Variants in GNA14 observed in about 807,000 individuals in gnomAD.
GNA14 encodes the protein guanine nucleotide-binding protein subunit alpha-14.
Under a neutral mutation model 42.0 loss-of-function variants are expected in GNA14, and 50 were observed. That is an observed-to-expected ratio of 1.19 (90% CI 0.95 to 1.51). The LOEUF is 1.51. Ranked by LOEUF, GNA14 falls within the 40% of genes most tolerant of loss-of-function variation. The pLI, the probability that GNA14 is intolerant of heterozygous loss-of-function variation, is 0.00. For missense variants in GNA14, 473 were observed against 446.2 expected (o/e 1.06, Z -0.54); for synonymous variants, 173 against 163.1 (o/e 1.06, Z -0.46).
Position 77,562,677 on chromosome 9 carries a change from C to G in GNA14, c.125-33424G>C, listed in dbSNP as rs1393156737. Among the ~76,000 whole-genome samples, 4 of 152,164 alleles carry G rather than the reference C, an allele frequency of 2.6e-5. No individual in the cohort carries two copies. The East Asian group carries it at 7.7e-4, about 29-fold the overall frequency. On this transcript the variant is annotated intron_variant, in intron 1 of 6. Coordinates refer to ENST00000341700, the MANE Select transcript of GNA14 (RefSeq NM_004297.4). Reference sequence around the variant, plus strand: ...AAAATTTACAACAAAAAAATTAATACTTGTTTCATACTTGATTTAGCCTGT... The same window carrying G: ...AAAATTTACAACAAAAAAATTAATAGTTGTTTCATACTTGATTTAGCCTGT...
At chr9:77,493,544 G>A (rs903171607) in intron 2 of GNA14, among the ~76,000 whole-genome samples, 2 of 152,136 alleles carry the variant, frequency 1.3e-5, no homozygotes, top group Admixed American at 1.3e-4. Context: ...CAGGACTGTG[G>A]ATCATGTTAC....
At position 77,645,415 on chromosome 9, in the gene GNA14, T is replaced by C. The variant is rs150709204; in HGVS notation, c.124+2255A>G. Among the ~76,000 whole-genome samples the C allele has an allele frequency of 3.9e-3, 600 of 152,338 alleles. 4 individuals carry two copies. The highest frequency in any genetic ancestry group is 0.013 in the African/African-American group (523 of 41,584). On this transcript the variant is annotated intron_variant, in intron 1 of 6. Transcript: ENST00000341700. ...GAGCTATGCCCCAGGACTTTACAGATTGAAATAAATCAGAGGTTTTGAAGT... is the reference window on the plus strand; with the variant it reads ...GAGCTATGCCCCAGGACTTTACAGACTGAAATAAATCAGAGGTTTTGAAGT...
intron 2 of GNA14, among the ~76,000 whole-genome samples, chr9:77,471,377 A>C (rs552631680): frequency 1.3e-5 from 2 of 152,286 alleles, no homozygotes; most frequent in African/African-American, 4.8e-5. Flanking sequence ...GGCCTCCCTA[A>C]AATCTGGGCA....
intron 2 of GNA14, among the ~76,000 whole-genome samples, chr9:77,465,549 T>C (rs1302181332): frequency 3.7e-5 from 5 of 134,294 alleles, no homozygotes; most frequent in Admixed American, 3.5e-4. Context: ...TATGTTGAAG[T>C]TTTTGAAAGG....
chr9:77,470,564 T>TGCCTATGAAAGCTATA (rs1319069899), intron 2 of GNA14, among the ~76,000 whole-genome samples: 1 of 152,162 alleles, frequency 6.6e-6, no homozygotes, highest in Non-Finnish European at 1.5e-5. Context: ...AAGTGGTGAA[T>TGCCTATGAAAGCTATA]GCCTATGAAA....
chr9:77,480,680 G>A (rs1171849532), intron 2 of GNA14, among the ~76,000 whole-genome samples: 1 of 152,038 alleles, frequency 6.6e-6, no homozygotes, highest in Non-Finnish European at 1.5e-5. Context: ...TCTGGTCCTG[G>A]CTTTTTTTGG....
chr9:77,529,476 A>G (rs1269528752), intron 1 of GNA14, among the ~76,000 whole-genome samples: 8 of 152,124 alleles, frequency 5.3e-5, no homozygotes, highest in Non-Finnish European at 1.2e-4. Context: ...GCTTCCCCAC[A>G]TCCTTGCCCT....
chr9:77,469,906 TG>T (rs1350110840), intron 2 of GNA14, among the ~76,000 whole-genome samples: 1 of 152,198 alleles, frequency 6.6e-6, no homozygotes, highest in African/African-American at 2.4e-5. Flanking sequence ...TCTGCTCCTT[TG>T]GGAATGATGG....
chr9:77,470,989 A>ACCC (rs1412749409), intron 2 of GNA14, among the ~76,000 whole-genome samples: 5 of 152,208 alleles, frequency 3.3e-5, no homozygotes, highest in Non-Finnish European at 7.3e-5. Context: ...ATTGGGAGTT[A>ACCC]CAATTCAATA....
At chr9:77,547,520 T>C (rs1427774565) in intron 1 of GNA14, among the ~76,000 whole-genome samples, 3 of 152,256 alleles carry the variant, frequency 2.0e-5, no homozygotes, top group African/African-American at 7.2e-5. Context: ...GAGAACAATC[T>C]GCAGCTTCCT....
intron 2 of GNA14, among the ~76,000 whole-genome samples, chr9:77,467,003 GTGTGTGT>G (rs1836247785): frequency 2.1e-5 from 2 of 93,152 alleles, no homozygotes; most frequent in Non-Finnish European, 4.3e-5. Flanking sequence ...ACCACTCGGT[GTGTGTGT>G]GTGTGTGTGT....
intron 4 of GNA14, among the ~76,000 whole-genome samples, chr9:77,431,113 C>T (rs1162268875): frequency 6.7e-6 from 1 of 149,090 alleles, no homozygotes; most frequent in African/African-American, 2.5e-5. Context: ...GTAAGGAAAC[C>T]CTTTTTCTCC....
At chr9:77,471,888 C>A (rs1431174364) in intron 2 of GNA14, among the ~76,000 whole-genome samples, 1 of 152,114 alleles carries the variant, frequency 6.6e-6, no homozygotes, top group African/African-American at 2.4e-5. Flanking sequence ...TTATTATGAG[C>A]AGGTATAAAC....
Position 77,506,675 on chromosome 9 carries a change from C to T in GNA14, c.309+22394G>A, listed in dbSNP as rs11145447. Among the ~76,000 whole-genome samples, 1,238 of 150,340 alleles carry T rather than the reference C, an allele frequency of 8.2e-3. 22 individuals are homozygous for T. The highest frequency in any genetic ancestry group is 0.028 in the African/African-American group (1,166 of 40,962). On this transcript the variant is annotated intron_variant, in intron 2 of 6. Coordinates refer to ENST00000341700, the MANE Select transcript of GNA14 (RefSeq NM_004297.4). Reference sequence around the variant, plus strand: ...CTGTCAACAGAGCGAGACTCCATCTCGAAAAAAAAAAATTTCATGAGATAT... The same window carrying T: ...CTGTCAACAGAGCGAGACTCCATCTTGAAAAAAAAAAATTTCATGAGATAT...
chr9:77,519,696 A>G (rs945719320), intron 2 of GNA14, among the ~76,000 whole-genome samples: 2 of 152,172 alleles, frequency 1.3e-5, no homozygotes, highest in African/African-American at 4.8e-5. Flanking sequence ...GGTACAATGT[A>G]CACTACTTGG....
chr9:77,513,338 CTTGTG>C (rs1002634382), intron 2 of GNA14, among the ~76,000 whole-genome samples: 1 of 152,240 alleles, frequency 6.6e-6, no homozygotes, highest in African/African-American at 2.4e-5. Flanking sequence ...ACATCTGCTA[CTTGTG>C]TGATCTTGGG....
chr9:77,436,549 A>C (rs1835641414), intron 2 of GNA14, among the ~76,000 whole-genome samples: 1 of 152,204 alleles, frequency 6.6e-6, no homozygotes, highest in East Asian at 1.9e-4. Context: ...GCTGGCGAGA[A>C]TGATGGATGG....
chr9:77,522,616 C>T (rs560648714), intron 2 of GNA14, among the ~76,000 whole-genome samples: 67 of 152,206 alleles, frequency 4.4e-4, no homozygotes, highest in Non-Finnish European at 7.9e-4. Context: ...TGTTAAGACA[C>T]ATATTTATCA....
At chr9:77,525,987 C>T (rs569471236) in intron 2 of GNA14, among the ~76,000 whole-genome samples, 1 of 151,548 alleles carries the variant, frequency 6.6e-6, no homozygotes, top group South Asian at 2.1e-4. Context: ...CTGCAACCTC[C>T]ACCTCACAGA....
Sources: allele counts gnomAD v4.1 joint callset (sites outside exome capture counted in the v4.1 genomes callset), GRCh38; gene constraint gnomAD v4.1.1; transcripts MANE v1.5; gene names NCBI Gene and HGNC (gene_info 2026-07-23, HGNC 2026-07-21).